RNF39: variants seen among roughly 807,000 people sequenced by gnomAD.
The protein encoded by RNF39 is ring finger protein 39.
A neutral mutation model predicts 29.2 loss-of-function variants in RNF39; 25 were observed. The observed-to-expected ratio is 0.86, with a 90% CI of 0.62 to 1.20. The LOEUF (loss-of-function observed/expected upper bound fraction) is 1.20. Among genes scored for constraint, RNF39 ranks in the 50% most tolerant of loss-of-function variants. The probability of loss-of-function intolerance (pLI) is 0.00; values close to 1 mark genes in which losing one functional copy is unlikely to be tolerated. For missense variants in RNF39, 519 were observed against 515.0 expected (o/e 1.01, Z -0.08); for synonymous variants, 219 against 229.0 (o/e 0.96, Z 0.40).
chr6:30,071,431 C>A lies in RNF39; in HGVS notation c.739G>T (p.Ala247Ser). ...DDEESHYAVG[A>S]AGESVQRKGC... ...TTGCGTTGCACTGATTCCCCGGCCG[C>A]GCCCACTGCATAGTGGCTCTCCTCG... Residue 247 changes from alanine to serine, a missense_variant, in exon 4 of 4, where the codon GCG becomes TCG. By Grantham distance (99) the Ala-to-Ser change is moderately conservative. Transcript: ENST00000244360. The surrounding 1 kb of genome is among the most constrained non-coding windows in gnomAD (Gnocchi z 5.0). The A allele has an allele frequency of 6.6e-7, 1 of 1,508,984 alleles. No homozygotes were observed. 93.5% of individuals were successfully genotyped at this position (1,508,984 alleles called of 1,614,324 possible).
intron 3 of RNF39, 111 bp downstream of exon 3, chr6:30,073,045 AG>A: frequency 1.3e-6 from 1 of 755,632 alleles, no homozygotes; most frequent in Non-Finnish European, 2.3e-6. Context: ...GAGCAGTACT[AG>A]GAAACTAATG....
Position 30,073,193 on chromosome 6 carries a change from A to G in RNF39, c.442T>C (p.Tyr148His), listed in dbSNP as rs763683980. The G allele has an allele frequency of 1.2e-6, 2 of 1,612,162 alleles. No individual in the cohort carries two copies. Among genetic ancestry groups the G allele is most frequent in the South Asian group, 1.1e-5 (1 of 91,030 alleles). ...SNSEDDLPED[Y>H]PVVKKMLHRL... ...TGAAGCATTTTTTTGACCACTGGAT[A>G]ATCTTCAGGGAGATCATCCTCTGAA... Residue 148 changes from tyrosine to histidine, a missense_variant, in exon 3 of 4, where the codon TAT (tyrosine) becomes CAT (histidine). Coordinates refer to ENST00000244360, the MANE Select transcript of RNF39 (RefSeq NM_025236.4).
At position 30,073,445 on chromosome 6, in the gene RNF39, G is replaced by A; in HGVS notation, c.386+11C>T. ...GGTGAGAAAAGGAGGGAACAGAAAA[G>A]TGGAACTCACCGTCTCCATGTCTTC... On this transcript the variant is annotated intron_variant, in intron 2 of 3. Transcript: ENST00000244360. The A allele has an allele frequency of 3.7e-6, 6 of 1,614,106 alleles. No homozygotes were observed. Among genetic ancestry groups the A allele is most frequent in the Non-Finnish European group, 4.2e-6 (5 of 1,179,968 alleles).
Position 30,071,192 on chromosome 6 carries a change from G to A in RNF39, c.978C>T (p.Gly326=), listed in dbSNP as rs751561433. 5.3e-6 allele frequency: 8 copies of A among 1,519,064 alleles called. No homozygotes were observed. Among genetic ancestry groups the A allele is most frequent in the Admixed American group, 4.4e-5 (2 of 45,544 alleles). The allele number at this position is 1,519,064 out of a possible 1,614,324, so 94.1% of individuals were successfully genotyped here. A position where few individuals can be genotyped will look rare whatever the true frequency, so the allele number is the denominator to read the frequency against. The change falls in exon 4 of 4, where the codon GGC becomes GGT. Residue 326 remains glycine (G), a synonymous_variant. Transcript: ENST00000244360. The surrounding 1 kb of genome is among the most constrained non-coding windows in gnomAD (Gnocchi z 5.0). ...LDLLYAFQAP[G]PLGERIFPLF... is the part of the protein sequence containing the mutation. Reference sequence around the variant, plus strand: ...GCGGGAAGATGCGCTCCCCCAGGGGGCCAGGCGCCTGGAAGGCGTAAAGCA... The same window carrying A: ...GCGGGAAGATGCGCTCCCCCAGGGGACCAGGCGCCTGGAAGGCGTAAAGCA...
At chr6:30,073,120 T>C (rs756254121) in intron 3 of RNF39, 37 bp downstream of exon 3, 11 of 1,377,210 alleles carry the variant, frequency 8.0e-6, no homozygotes, top group Admixed American at 1.7e-5. Context: ...ACACAGACTT[T>C]CATTCAATTC....
chr6:30,075,379 C>A lies in RNF39; in HGVS notation c.207G>T (p.Pro69=). The change falls in exon 1 of 4, where the codon CCG becomes CCT. Residue 69 remains proline (P), a synonymous_variant. Coordinates refer to ENST00000244360, the MANE Select transcript of RNF39 (RefSeq NM_025236.4). ...SPTACPCCGL[P]CPRRSLRSNV... The stretch of plus-strand genomic sequence containing the variant: ...TAGACCTCAGGCTGCGGCGGGGACA[C>A]GGCAGGCCGCAGCAGGGACAGGCGG... 1 of 1,570,628 alleles carries A rather than the reference C, an allele frequency of 6.4e-7. No individual in the cohort carries two copies. The highest frequency in any genetic ancestry group is 8.6e-7 in the Non-Finnish European group (1 of 1,161,420).
intron 1 of RNF39, 79 bp downstream of exon 1, chr6:30,075,144 G>A (rs1766304303): frequency 1.4e-6 from 2 of 1,414,082 alleles, no homozygotes; most frequent in East Asian, 5.2e-5. Flanking sequence ...AGGGCCTCCG[G>A]CTCCAGACGT....
rs764450187 is a variant in RNF39 at position 30,075,228 on chromosome 6, C to T, written c.358G>A (p.Gly120Arg). The change falls in exon 1 of 4, where the codon GGA (glycine) becomes AGA (arginine). Residue 120 changes from glycine (G) to arginine (R), a missense_variant. Coordinates refer to ENST00000244360, the MANE Select transcript of RNF39 (RefSeq NM_025236.4). ...CGACGCGCGCCCAGCCTCACCTCTCCGGGCAGGTCCAGGCAGCCCATGGTG... is the reference window on the plus strand; with the variant it reads ...CGACGCGCGCCCAGCCTCACCTCTCTGGGCAGGTCCAGGCAGCCCATGGTG... ...IPTMGCLDLP[G>R]EDMRKTWRRF... is the part of the protein sequence containing the mutation. 2 of 1,589,524 alleles carry T rather than the reference C, an allele frequency of 1.3e-6. No homozygotes were observed. The highest frequency in any genetic ancestry group is 1.7e-6 in the Non-Finnish European group (2 of 1,174,190).
intron 2 of RNF39, 45 bp downstream of exon 2, chr6:30,073,411 A>G (rs753894950): frequency 3.7e-6 from 6 of 1,612,820 alleles, no homozygotes; most frequent in Admixed American, 3.3e-5. Flanking sequence ...CGTGATGGCT[A>G]TGGCAGCTGG....
chr6:30,071,563 G>A lies in RNF39; in HGVS notation c.607C>T (p.Pro203Ser). Residue 203 changes from proline to serine, a missense_variant, in exon 4 of 4, where the codon CCA becomes TCA. Pro to Ser is a moderately conservative substitution (Grantham distance 74). Coordinates refer to ENST00000244360, the MANE Select transcript of RNF39 (RefSeq NM_025236.4). This position sits in a 1 kb window ranked among gnomAD's most constrained non-coding sequence, Gnocchi z 5.0. ...PDGPKRFDQL[P>S]AVLGAQGFGA... is the part of the protein sequence containing the mutation. ...AAGCCCTGCGCACCCAGCACAGCTG[G>A]GAGCTGATCGAAGCGCTTGGGGCCG... 6.7e-7 allele frequency: 1 copy of A among 1,499,258 alleles called. No homozygotes were observed. Among genetic ancestry groups the A allele is most frequent in the Non-Finnish European group, 8.9e-7 (1 of 1,129,640 alleles). 92.9% of individuals were successfully genotyped at this position (1,499,258 alleles called of 1,614,324 possible). A position where few individuals can be genotyped will look rare whatever the true frequency, so the allele number is the denominator to read the frequency against.
Position 30,071,128 on chromosome 6 carries a change from C to G in RNF39, c.1042G>C (p.Val348Leu), listed in dbSNP as rs369294101. Residue 348 changes from valine (V) to leucine (L), a missense_variant, in exon 4 of 4, where the codon GTA (valine) becomes CTA (leucine). Physicochemically the swap from Val to Leu is conservative, Grantham distance 32. Transcript: ENST00000244360. The surrounding 1 kb of genome is among the most constrained non-coding windows in gnomAD (Gnocchi z 5.0). ...GACGAGACTCAGCTTTCCGCTGGTA[C>G]AATGCGGAGCGGAGCACGAGGGTCG... is the stretch of plus-strand genomic sequence containing the variant. ...TCDPRAPLRIVPAES is the reference protein window; with the variant it reads ...TCDPRAPLRILPAES The G allele has an allele frequency of 2.9e-4, 451 of 1,553,876 alleles. 36 individuals are homozygous for G. The highest frequency in any genetic ancestry group is 2.1e-3 in the East Asian group (90 of 42,976).
At chr6:30,073,806 C>CCTTG (rs1394673521) in intron 1 of RNF39, among the ~76,000 whole-genome samples, 3 of 152,090 alleles carry the variant, frequency 2.0e-5, no homozygotes. Flanking sequence ...TCCTCAGAGC[C>CCTTG]CTTGCCTTCC....
chr6:30,075,615 C>T lies in RNF39; in HGVS notation c.-30G>A. The stretch of plus-strand genomic sequence containing the variant: ...AGCCAGGATCTGGACGCCGCCCCTT[C>T]CGCGACCACCGTGACCGCCTTCGAG... On this transcript the variant is annotated 5_prime_UTR_variant, in exon 1 of 4. Coordinates refer to ENST00000244360, the MANE Select transcript of RNF39 (RefSeq NM_025236.4). 6.2e-7 allele frequency: 1 copy of T among 1,607,772 alleles called. No homozygotes were observed.
In RNF39 at chr6:30,070,978, G is replaced by A. The variant is rs1010733963; in HGVS notation, c.*133C>T. On this transcript the variant is annotated 3_prime_UTR_variant, in exon 4 of 4. Transcript: ENST00000244360. The stretch of plus-strand genomic sequence containing the variant: ...AGGTGAGGTCTCATTATTTTGGGGC[G>A]AAAATGTGGGTTGCTATTAATACTC... 43 of 828,368 alleles carry A rather than the reference G, an allele frequency of 5.2e-5. No individual in the cohort carries two copies. The African/African-American group carries it at 6.6e-4, about 13-fold the overall frequency. 51.3% of individuals were successfully genotyped at this position (828,368 alleles called of 1,614,324 possible). A position where few individuals can be genotyped will look rare whatever the true frequency, so the allele number is the denominator to read the frequency against.
chr6:30,071,347 G>A lies in RNF39; in HGVS notation c.823C>T (p.Arg275Cys). ...TCGGGTGCCGTGAGGGCCCACAGGC[G>A]GCCGCCGCGGCCCTCCACGGCCCAC... ...AVWAVEGRGG[R>C]LWALTAPEPT... is the part of the protein sequence containing the mutation. The change falls in exon 4 of 4, where the codon CGC (arginine) becomes TGC (cysteine). Residue 275 changes from arginine (R) to cysteine (C), a missense_variant. By Grantham distance (180) the Arg-to-Cys change is radical (BLOSUM62 -3). Transcript: ENST00000244360. This position sits in a 1 kb window ranked among gnomAD's most constrained non-coding sequence, Gnocchi z 5.0. 5.5e-6 allele frequency: 8 copies of A among 1,458,210 alleles called. No homozygotes were observed. Among genetic ancestry groups the A allele is most frequent in the Non-Finnish European group, 7.2e-6 (8 of 1,112,922 alleles). 90.3% of individuals were successfully genotyped at this position (1,458,210 alleles called of 1,614,324 possible).
At chr6:30,075,127 C>T in intron 1 of RNF39, 96 bp downstream of exon 1, 1 of 1,330,198 alleles carries the variant, frequency 7.5e-7, no homozygotes, top group African/African-American at 1.5e-5. Flanking sequence ...TTTGCCTAAA[C>T]TTCCACAGGG....
At position 30,072,789 on chromosome 6, in the gene RNF39, A is replaced by G. The variant is rs1766094177; in HGVS notation, c.478+368T>C. Among the ~76,000 whole-genome samples, 1 of 152,210 alleles carries G rather than the reference A, an allele frequency of 6.6e-6. No homozygotes were observed. Among genetic ancestry groups the G allele is most frequent in the Non-Finnish European group, 1.5e-5 (1 of 68,044 alleles). On this transcript the variant is annotated intron_variant, in intron 3 of 3. Transcript: ENST00000244360. This position sits in a 1 kb window ranked among gnomAD's most constrained non-coding sequence, Gnocchi z 4.5. ...GTCATTAGGGTGGGCTCTAATCCAG[A>G]TTGCTGACTTACAAAAAGAGGAAAT...
In RNF39 at chr6:30,075,414, C is replaced by T. The variant is rs770176290; in HGVS notation, c.172G>A (p.Ala58Thr). Reference protein sequence around the residue: ...WGTPPATGTEASPTACPCCGL... With the variant: ...WGTPPATGTETSPTACPCCGL... The stretch of plus-strand genomic sequence containing the variant: ...CAGCAGGGACAGGCGGTGGGGGAAG[C>T]CTCGGTGCCGGTCGCCGGCGGAGTC... The change falls in exon 1 of 4, where the codon GCT becomes ACT. Residue 58 changes from alanine (A) to threonine (T), a missense_variant. Physicochemically the swap from Ala to Thr is moderately conservative, Grantham distance 58. Transcript: ENST00000244360. 8 of 1,556,800 alleles carry T rather than the reference C, an allele frequency of 5.1e-6. No homozygotes were observed. The highest frequency in any genetic ancestry group is 2.3e-5 in the South Asian group (2 of 85,768).
In RNF39 at chr6:30,074,226, G is replaced by A. The variant is rs530125809; in HGVS notation, c.364-748C>T. ...CTGGAGCAGGCCGATATGGTGGAGC[G>A]GGGGAGAGAGAAACAATTTGCATAA... On this transcript the variant is annotated intron_variant, in intron 1 of 3. Coordinates refer to ENST00000244360, the MANE Select transcript of RNF39 (RefSeq NM_025236.4). This position sits in a 1 kb window ranked among gnomAD's most constrained non-coding sequence, Gnocchi z 4.1. Among the ~76,000 whole-genome samples the A allele has an allele frequency of 6.6e-6, 1 of 152,256 alleles. No homozygotes were observed. Among genetic ancestry groups the A allele is most frequent in the African/African-American group, 2.4e-5 (1 of 41,536 alleles).
Sources: allele counts gnomAD v4.1 joint callset (sites outside exome capture counted in the v4.1 genomes callset), GRCh38; gene constraint gnomAD v4.1.1; non-coding constraint Gnocchi (gnomAD v3.1); transcripts MANE v1.5; gene names NCBI Gene and HGNC (gene_info 2026-07-23, HGNC 2026-07-21).